The following FILIP1L variants were observed in gnomAD, a reference collection of about 807,000 sequenced individuals.
The protein encoded by FILIP1L is filamin A interacting protein 1 like, also known as filamin A-interacting protein 1-like.
In FILIP1L, 55 loss-of-function variants were observed where a neutral mutation model predicts 96.6. The observed-to-expected ratio is 0.57, with a 90% confidence interval of 0.46 to 0.71. The LOEUF is 0.71. Ranked by LOEUF, FILIP1L falls within the 30% of genes least tolerant of loss-of-function variation. The pLI, the probability that FILIP1L is intolerant of heterozygous loss-of-function variation, is 0.00. For missense variants in FILIP1L, 1,304 were observed against 1,321.2 expected, an observed-to-expected ratio of 0.99 and a Z score of 0.20; for synonymous variants, 467 against 473.9, an observed-to-expected ratio of 0.99 and a Z score of 0.19.
intron 5 of FILIP1L, among the ~76,000 whole-genome samples, chr3:99,831,611 T>C (rs1324308083): frequency 6.6e-6 from 1 of 152,230 alleles, no homozygotes; most frequent in Non-Finnish European, 1.5e-5. Context: ...GACTATAGCA[T>C]TAATAATAGC....
chr3:99,944,848 G>A (rs143288158), intron 1 of FILIP1L, among the ~76,000 whole-genome samples: 1,710 of 152,280 alleles, frequency 0.011, 18 homozygotes, highest in African/African-American at 0.025. Flanking sequence ...GCATCACAAA[G>A]TGGTGAGAAG....
chr3:100,097,734 A>G (rs1028984161), intron 1 of FILIP1L, among the ~76,000 whole-genome samples: 1 of 152,212 alleles, frequency 6.6e-6, no homozygotes, highest in Admixed American at 6.5e-5. Context: ...CTGGATTTGA[A>G]TATTCTTCGT....
chr3:99,978,415 A>G (rs1185945259), intron 1 of FILIP1L, among the ~76,000 whole-genome samples: 1 of 152,238 alleles, frequency 6.6e-6, no homozygotes, highest in Non-Finnish European at 1.5e-5. Context: ...TGGATAAAGA[A>G]AATGTGGTAT....
intron 4 of FILIP1L, among the ~76,000 whole-genome samples, chr3:99,873,280 CA>C (rs1304701564): frequency 6.6e-6 from 1 of 152,136 alleles, no homozygotes; most frequent in Non-Finnish European, 1.5e-5. Flanking sequence ...TGGTCAAATA[CA>C]AATTAAATGG....
At position 99,946,225 on chromosome 3, in the gene FILIP1L, G is replaced by A. The variant is rs1395262490; in HGVS notation, c.-10-15195C>T. Among the ~76,000 whole-genome samples, 3 of 152,066 alleles carry A rather than the reference G, an allele frequency of 2.0e-5. No homozygotes were observed. In the East Asian group the frequency reaches 5.8e-4, roughly 29 times the overall value. On this transcript the variant is annotated intron_variant, in intron 1 of 5. Coordinates refer to ENST00000477258, the MANE Select transcript of FILIP1L (RefSeq NM_001387850.1). ...TCTATTACATCTTCAGAATAGCCCT[G>A]GATACTATTGTGATTGATAGCTTAT... is the stretch of plus-strand genomic sequence containing the variant.
intron 1 of FILIP1L, among the ~76,000 whole-genome samples, chr3:100,033,885 G>A (rs2065062482): frequency 6.6e-6 from 1 of 152,098 alleles, no homozygotes; most frequent in Non-Finnish European, 1.5e-5. Context: ...GTACAAAAGT[G>A]ACTGTTTTAT....
chr3:100,072,399 A>G (rs942600129), intron 1 of FILIP1L, among the ~76,000 whole-genome samples: 2 of 152,198 alleles, frequency 1.3e-5, no homozygotes, highest in Admixed American at 6.5e-5. Context: ...CTTGGAGCTC[A>G]AGTAACAGAG....
intron 1 of FILIP1L, among the ~76,000 whole-genome samples, chr3:100,021,282 C>A (rs1705197953): frequency 2.0e-5 from 3 of 152,186 alleles, no homozygotes. Context: ...ATAATAAGTT[C>A]ATTCTTCTTT....
chr3:100,037,998 C>G (rs1268270337), intron 1 of FILIP1L, among the ~76,000 whole-genome samples: 1 of 150,070 alleles, frequency 6.7e-6, no homozygotes, highest in Non-Finnish European at 1.5e-5. Flanking sequence ...CTCTGTCGCC[C>G]AGGTGGAGTG....
In FILIP1L at chr3:99,850,671, A is replaced by T; in HGVS notation, c.1005T>A (p.Asp335Glu). The change falls in exon 5 of 6, where the codon GAT becomes GAA. Residue 335 changes from aspartate (D) to glutamate (E), a missense_variant. Transcript: ENST00000477258. Reference sequence around the variant, plus strand: ...AAGACCTGTTTGTCTCTTCTAACTCATCAATCTGCCGGCTGAGTGCTGCCA... The same window carrying T: ...AAGACCTGTTTGTCTCTTCTAACTCTTCAATCTGCCGGCTGAGTGCTGCCA... ...QKLAALSRQI[D>E]ELEETNRSLR... is the part of the protein sequence containing the mutation. 6.2e-7 allele frequency: 1 copy of T among 1,614,044 alleles called. No homozygotes were observed. Among genetic ancestry groups the T allele is most frequent in the Non-Finnish European group, 8.5e-7 (1 of 1,180,012 alleles).
At position 100,111,801 on chromosome 3, in the gene FILIP1L, C is replaced by T. The variant is rs142227509; in HGVS notation, c.-11+2252G>A. 7.2e-5 allele frequency among the ~76,000 whole-genome samples: 11 copies of T among 152,304 alleles called. No homozygotes were observed. The East Asian group carries it at 1.3e-3, about 19-fold the overall frequency. On this transcript the variant is annotated intron_variant, in intron 1 of 5. Transcript: ENST00000477258. ...TCTATAGCTTGCACCAAAATGTCAA[C>T]ATCCCTCAAAGAAGGCTCAAGTATT...
chr3:99,894,945 T>C (rs1245565982), intron 4 of FILIP1L, among the ~76,000 whole-genome samples: 1 of 152,216 alleles, frequency 6.6e-6, no homozygotes, highest in East Asian at 1.9e-4. Flanking sequence ...ACACGAAACA[T>C]GATATTTAAT....
intron 4 of FILIP1L, among the ~76,000 whole-genome samples, chr3:99,895,313 G>GAATC (rs1245640455): frequency 6.6e-6 from 1 of 151,288 alleles, no homozygotes; most frequent in African/African-American, 2.4e-5. Context: ...TTTAAAGAAT[G>GAATC]AATCATAATC....
At position 99,830,596 on chromosome 3, in the gene FILIP1L, C is replaced by T. The variant is rs1158484640; in HGVS notation, c.3391G>A (p.Val1131Ile). The T allele has an allele frequency of 2.2e-6, 1 of 456,420 alleles. No individual in the cohort carries two copies. 28.3% of individuals were successfully genotyped at this position (456,420 alleles called of 1,614,324 possible). ...CGTGCTGGGATTCTCTGCTTGCATA[C>T]CTCCTTGATCTTGAATTAAACAAGA... ...PRQSQITIKE[V>I]CKQRIPARIP... is the part of the protein sequence containing the mutation. Residue 1131 changes from valine to isoleucine, a missense_variant, in exon 6 of 6, where the codon GTA becomes ATA. Physicochemically the swap from Val to Ile is conservative, Grantham distance 29 (BLOSUM62 3). Coordinates refer to ENST00000477258, the MANE Select transcript of FILIP1L (RefSeq NM_001387850.1).
intron 1 of FILIP1L, among the ~76,000 whole-genome samples, chr3:99,968,353 A>G (rs1708714863): frequency 6.6e-6 from 1 of 152,124 alleles, no homozygotes. Flanking sequence ...GGATTAAGAT[A>G]AAGGACCTGT....
intron 1 of FILIP1L, among the ~76,000 whole-genome samples, chr3:99,972,177 A>G (rs915798036): frequency 2.0e-5 from 3 of 152,246 alleles, no homozygotes; most frequent in African/African-American, 7.2e-5. Context: ...TGTCATTCAA[A>G]CCAGTCTTTT....
intron 1 of FILIP1L, among the ~76,000 whole-genome samples, chr3:100,108,285 A>G (rs1226778683): frequency 2.0e-5 from 3 of 152,150 alleles, no homozygotes; most frequent in African/African-American, 7.2e-5. Context: ...ATTATTTTTT[A>G]TAGATCCAAG....
chr3:100,082,112 T>G (rs2065941434), intron 1 of FILIP1L, among the ~76,000 whole-genome samples: 1 of 152,166 alleles, frequency 6.6e-6, no homozygotes, highest in Admixed American at 6.5e-5. Flanking sequence ...TTAGTTCAGT[T>G]CAGTCTTTAA....
intron 1 of FILIP1L, among the ~76,000 whole-genome samples, chr3:100,045,910 G>A (rs9864437): frequency 0.18 from 28,077 of 151,968 alleles, 2,934 homozygotes; most frequent in South Asian, 0.25. Context: ...GCAGGGATGA[G>A]GTCACTGGGG....
Sources: allele counts gnomAD v4.1 joint callset (sites outside exome capture counted in the v4.1 genomes callset), GRCh38; gene constraint gnomAD v4.1.1; transcripts MANE v1.5; gene names NCBI Gene and HGNC (gene_info 2026-07-23, HGNC 2026-07-21).